The following MR1 variants were observed in gnomAD, a reference collection of about 807,000 sequenced individuals.
MR1 encodes major histocompatibility complex class I-related protein 1.
MR1 carries 44 observed loss-of-function variants against 37.8 expected under a neutral mutation model. The ratio of observed to expected loss-of-function variants is 1.16; its 90% CI spans 0.91 to 1.50. The LOEUF (loss-of-function observed/expected upper bound fraction) is 1.50. MR1 is among the 40% of genes most tolerant of loss of function. The probability of loss-of-function intolerance (pLI) is 0.00; values close to 1 mark genes in which losing one functional copy is unlikely to be tolerated. For synonymous variants in MR1, 153 were observed against 155.8 expected (o/e 0.98, Z 0.13); for missense variants, 386 against 419.1 (o/e 0.92, Z 0.69).
intron 1 of MR1, among the ~76,000 whole-genome samples, chr1:181,046,060 C>T (rs1309024949): frequency 6.6e-6 from 1 of 152,246 alleles, no homozygotes; most frequent in Non-Finnish European, 1.5e-5. Flanking sequence ...CCTTAGCTGC[C>T]TTCCTGCGGG....
rs763552222 is a variant in MR1 at position 181,055,245 on chromosome 1, C to A, written c.1006C>A (p.Leu336Ile). ...TTCAGAGCAAAATGGAGCCATCTAC[C>A]TTCCAACACCAGATCGATGATTGCA... ...RPREQNGAIY[L>I]PTPDR The change falls in exon 6 of 6, where the codon CTT becomes ATT. Residue 336 changes from leucine (L) to isoleucine (I), a missense_variant. Coordinates refer to ENST00000367580, the MANE Select transcript of MR1 (RefSeq NM_001385161.1). 6.2e-7 allele frequency: 1 copy of A among 1,613,650 alleles called. No individual in the cohort carries two copies. Among genetic ancestry groups the A allele is most frequent in the South Asian group, 1.1e-5 (1 of 91,074 alleles).
chr1:181,059,931 G>A lies in MR1; in HGVS notation c.*4666G>A, dbSNP rs758025163. 1 of 152,176 alleles carries A rather than the reference G, an allele frequency of 6.6e-6. No homozygotes were observed. The allele number at this position is 152,176 out of a possible 1,614,324, so 9.4% of individuals were successfully genotyped here. Reference sequence around the variant, plus strand: ...TGGGAAAGATGCAACATGTCACAATGTCATGTTCTCCATCGTCTCCCCGTT... The same window carrying A: ...TGGGAAAGATGCAACATGTCACAATATCATGTTCTCCATCGTCTCCCCGTT... On this transcript the variant is annotated 3_prime_UTR_variant, in exon 6 of 6. Transcript: ENST00000367580.
At chr1:181,044,354 G>T (rs1040864370) in intron 1 of MR1, among the ~76,000 whole-genome samples, 1 of 152,188 alleles carries the variant, frequency 6.6e-6, no homozygotes, top group Non-Finnish European at 1.5e-5. Context: ...CTCTATAGTG[G>T]CAAGGGCCAG....
Position 181,053,656 on chromosome 1 carries a change from G to C in MR1, c.964G>C (p.Val322Leu), listed in dbSNP as rs1304761653. The change falls in exon 5 of 6, where the codon GTC (valine) becomes CTC (leucine). Residue 322 changes from valine (V) to leucine (L), a missense_variant. Transcript: ENST00000367580. ...VIVLAGVGVLVWRRRPREQNG... is the reference protein window; with the variant it reads ...VIVLAGVGVLLWRRRPREQNG... ...TGTGCTGGCTGGAGTTGGTGTTCTA[G>C]TCTGGAGAAGAAGGCCCCGAGGTGA... 1.2e-6 allele frequency: 2 copies of C among 1,613,714 alleles called. No individual in the cohort carries two copies. Among genetic ancestry groups the C allele is most frequent in the South Asian group, 2.2e-5 (2 of 91,074 alleles).
rs1421588077 is a variant in MR1, at chr1:181,061,935, T to G, written c.*6670T>G. 2 of 152,222 alleles carry G rather than the reference T, an allele frequency of 1.3e-5. No individual in the cohort carries two copies. The highest frequency in any genetic ancestry group is 1.5e-5 in the Non-Finnish European group (1 of 68,044). The allele number at this position is 152,222 out of a possible 1,614,324, so 9.4% of individuals were successfully genotyped here. A position where few individuals can be genotyped will look rare whatever the true frequency, so the allele number is the denominator to read the frequency against. ...CATCTAATAAACTTTATCTTGTCAT[T>G]GCATTGTCTGTGAGATTAGTGATCT... On this transcript the variant is annotated 3_prime_UTR_variant, in exon 6 of 6. Coordinates refer to ENST00000367580, the MANE Select transcript of MR1 (RefSeq NM_001385161.1).
chr1:181,049,104 G>A lies in MR1; in HGVS notation c.120G>A (p.Gly40=), dbSNP rs1356420036. Residue 40 remains glycine (G), a synonymous_variant, in exon 2 of 6, where the codon GGG becomes GGA. Transcript: ENST00000367580. The part of the protein sequence containing the change: ...FRLGVSDPIH[G]VPEFISVGYV... ...TGGGCGTTTCGGATCCCATCCATGG[G>A]GTCCCTGAATTTATTTCGGTTGGGT... 9 of 1,614,050 alleles carry A rather than the reference G, an allele frequency of 5.6e-6. No homozygotes were observed. The highest frequency in any genetic ancestry group is 7.6e-6 in the Non-Finnish European group (9 of 1,179,932).
Position 181,049,058 on chromosome 1 carries a change from A to G in MR1, c.74A>G (p.His25Arg). 5.6e-6 allele frequency: 9 copies of G among 1,613,544 alleles called. No homozygotes were observed. The highest frequency in any genetic ancestry group is 3.3e-5 in the South Asian group (3 of 91,062). ...LMVKHSDSRT[H>R]SLRYFRLGVS... ...TTCTTTGCCTCCTTTCCAGGGACGC[A>G]CTCTCTGAGATATTTTCGCCTGGGC... The change falls in exon 2 of 6, where the codon CAC becomes CGC. Residue 25 changes from histidine (H) to arginine (R), a missense_variant. Physicochemically the swap from His to Arg is conservative, Grantham distance 29. Transcript: ENST00000367580.
chr1:181,036,783 C>T (rs1657294264), intron 1 of MR1, among the ~76,000 whole-genome samples: 1 of 152,168 alleles, frequency 6.6e-6, no homozygotes. Flanking sequence ...CTCTGGTATA[C>T]CTAGTGCCCA....
chr1:181,034,026 T>C lies in MR1; in HGVS notation c.19T>C (p.Phe7Leu). Residue 7 changes from phenylalanine (F) to leucine (L), a missense_variant, in exon 1 of 6, where the codon TTC (phenylalanine) becomes CTC (leucine). Coordinates refer to ENST00000367580, the MANE Select transcript of MR1 (RefSeq NM_001385161.1). MGELMA[F>L]LLPLIIVLMV... is the part of the protein sequence containing the mutation. ...AAGGACTATGGGGGAACTGATGGCG[T>C]TCCTGTTACCTCTCATCATTGTGTT... 6.2e-7 allele frequency: 1 copy of C among 1,612,998 alleles called. No homozygotes were observed. Among genetic ancestry groups the C allele is most frequent in the South Asian group, 1.1e-5 (1 of 90,888 alleles).
rs1658856890 is a variant in MR1, at chr1:181,060,640, C to T, written c.*5375C>T. Reference sequence around the variant, plus strand: ...AATGTTCTTCCTTTAAATCACAACACTTAGTTCTCTTCCATTTATAAGACT... The same window carrying T: ...AATGTTCTTCCTTTAAATCACAACATTTAGTTCTCTTCCATTTATAAGACT... On this transcript the variant is annotated 3_prime_UTR_variant, in exon 6 of 6. Transcript: ENST00000367580. The T allele has an allele frequency of 2.0e-5, 3 of 152,232 alleles. No homozygotes were observed. The South Asian group carries it at 6.2e-4, about 32-fold the overall frequency. 9.4% of individuals were successfully genotyped at this position (152,232 alleles called of 1,614,324 possible). A position where few individuals can be genotyped will look rare whatever the true frequency, so the allele number is the denominator to read the frequency against.
At chr1:181,051,817 C>T (rs139993955) in intron 3 of MR1, among the ~76,000 whole-genome samples, 25 of 152,306 alleles carry the variant, frequency 1.6e-4, no homozygotes, top group South Asian at 1.5e-3. Flanking sequence ...GTGTTATTTA[C>T]GTGCACTAAA....
chr1:181,045,269 A>T (rs112247220), intron 1 of MR1, among the ~76,000 whole-genome samples: 34 of 152,266 alleles, frequency 2.2e-4, no homozygotes, highest in African/African-American at 7.9e-4. Context: ...AGGCTTGGAC[A>T]TGGGCATCTG....
rs1264432928 is a variant in MR1 at position 181,055,345 on chromosome 1, T to C, written c.*80T>C. ...TCCCCCATAGAGTCAAGCCTAGTGC[T>C]TGAAGGTCCTGACGACACCCACAAC... On this transcript the variant is annotated 3_prime_UTR_variant, in exon 6 of 6. Transcript: ENST00000367580. 7.4e-7 allele frequency: 1 copy of C among 1,348,670 alleles called. No homozygotes were observed. The highest frequency in any genetic ancestry group is 1.5e-5 in the African/African-American group (1 of 68,904). 83.5% of individuals were successfully genotyped at this position (1,348,670 alleles called of 1,614,324 possible).
In MR1 at chr1:181,056,974, G is replaced by C. The variant is rs939633434; in HGVS notation, c.*1709G>C. ...GTCTCTACTAAAATACAAATAATTA[G>C]CTGGGCATGGTGGCATGTGCCTATA... On this transcript the variant is annotated 3_prime_UTR_variant, in exon 6 of 6. Transcript: ENST00000367580. 1 of 152,146 alleles carries C rather than the reference G, an allele frequency of 6.6e-6. No individual in the cohort carries two copies. The highest frequency in any genetic ancestry group is 1.5e-5 in the Non-Finnish European group (1 of 68,098). The allele number at this position is 152,146 out of a possible 1,614,324, so 9.4% of individuals were successfully genotyped here. A position where few individuals can be genotyped will look rare whatever the true frequency, so the allele number is the denominator to read the frequency against.
intron 3 of MR1, 120 bp downstream of exon 3, chr1:181,050,406 G>A: frequency 1.5e-6 from 2 of 1,312,260 alleles, no homozygotes; most frequent in Non-Finnish European, 2.1e-6. Context: ...TTGGCCTATT[G>A]TGATCTCATG....
At chr1:181,053,043 C>T (rs146703369) in intron 4 of MR1, among the ~76,000 whole-genome samples, 90 of 151,786 alleles carry the variant, frequency 5.9e-4, no homozygotes, top group African/African-American at 1.2e-3. Flanking sequence ...CCAGCCTGTG[C>T]GAAGGGAGCA....
chr1:181,040,672 G>C (rs868225254), intron 1 of MR1, among the ~76,000 whole-genome samples: 1 of 152,012 alleles, frequency 6.6e-6, no homozygotes, highest in African/African-American at 2.4e-5. Context: ...GACTGAAAAA[G>C]CAAGTCCAGC....
Position 181,059,805 on chromosome 1 carries a change from G to A in MR1, c.*4540G>A, listed in dbSNP as rs969061881. On this transcript the variant is annotated 3_prime_UTR_variant, in exon 6 of 6. Transcript: ENST00000367580. ...GAAGAAGTCATAAAATCCTGCTCAG[G>A]TTCAAAAAGAGGGTGTATAGAACCC... The A allele has an allele frequency of 6.6e-6, 1 of 152,134 alleles. No homozygotes were observed. The highest frequency in any genetic ancestry group is 1.5e-5 in the Non-Finnish European group (1 of 68,034). The allele number at this position is 152,134 out of a possible 1,614,324, so 9.4% of individuals were successfully genotyped here.
Position 181,049,206 on chromosome 1 carries a change from G to A in MR1, c.222G>A (p.Glu74=). The A allele has an allele frequency of 6.2e-7, 1 of 1,614,226 alleles. No individual in the cohort carries two copies. Among genetic ancestry groups the A allele is most frequent in the Non-Finnish European group, 8.5e-7 (1 of 1,180,032 alleles). ...AGCCACGGGCCCCATGGATGGCAGA[G>A]AACCTCGCGCCTGATCACTGGGAGA... is the stretch of plus-strand genomic sequence containing the variant. ...QKEPRAPWMA[E]NLAPDHWERY... The change falls in exon 2 of 6, where the codon GAG becomes GAA. Residue 74 remains glutamate, a synonymous_variant. Coordinates refer to ENST00000367580, the MANE Select transcript of MR1 (RefSeq NM_001385161.1).
Sources: gnomAD v4.1 joint callset for allele counts (sites outside exome capture counted in the v4.1 genomes callset) on GRCh38, gnomAD v4.1.1 for gene constraint, MANE v1.5 for transcripts, NCBI Gene and HGNC (gene_info 2026-07-23, HGNC 2026-07-21) for gene names.